The following KIAA1328 variants were observed in gnomAD, a reference collection of about 807,000 sequenced individuals.
KIAA1328 encodes KIAA1328, also known as protein hinderin.
A neutral mutation model predicts 68.1 loss-of-function variants in KIAA1328; 52 were observed. That is an observed-to-expected ratio of 0.76 (90% confidence interval 0.61 to 0.96). The LOEUF (loss-of-function observed/expected upper bound fraction) is 0.96, where lower values mean the gene tolerates loss of function less well. KIAA1328 is among the 40% of genes least tolerant of loss of function. The probability of loss-of-function intolerance (pLI) is 0.00; values close to 1 mark genes in which losing one functional copy is unlikely to be tolerated. For synonymous variants in KIAA1328, 232 were observed against 239.4 expected, an observed-to-expected ratio of 0.97 and a Z score of 0.28; for missense variants, 641 against 677.6, an observed-to-expected ratio of 0.95 and a Z score of 0.60.
At chr18:36,977,174 A>G (rs1255922214) in intron 6 of KIAA1328, among the ~76,000 whole-genome samples, 13 of 152,336 alleles carry the variant, frequency 8.5e-5, no homozygotes, top group Non-Finnish European at 1.3e-4. Flanking sequence ...ACTGATGGGC[A>G]AAAGGAACAA....
At chr18:36,944,236 A>G (rs2050811784) in intron 5 of KIAA1328, among the ~76,000 whole-genome samples, 1 of 152,162 alleles carries the variant, frequency 6.6e-6, no homozygotes, top group Non-Finnish European at 1.5e-5. Context: ...AGAAGTAGAA[A>G]TTTGGGGATC....
At chr18:36,983,532 A>G (rs958434913) in intron 6 of KIAA1328, among the ~76,000 whole-genome samples, 1 of 152,070 alleles carries the variant, frequency 6.6e-6, no homozygotes, top group Non-Finnish European at 1.5e-5. Flanking sequence ...CAAAAATACT[A>G]TCAACCAATT....
intron 7 of KIAA1328, among the ~76,000 whole-genome samples, chr18:37,121,309 A>C (rs368056541): frequency 6.6e-6 from 1 of 152,274 alleles, no homozygotes; most frequent in Admixed American, 6.5e-5. Flanking sequence ...ATTGTCTTCT[A>C]TAAGAAGAAT....
At chr18:37,145,760 A>G (rs550326117) in intron 7 of KIAA1328, among the ~76,000 whole-genome samples, 7 of 152,176 alleles carry the variant, frequency 4.6e-5, no homozygotes, top group Non-Finnish European at 8.8e-5. Context: ...TTGATATTAT[A>G]TAATCATTCC....
chr18:37,115,265 A>G (rs534533864), intron 7 of KIAA1328, among the ~76,000 whole-genome samples: 2 of 152,340 alleles, frequency 1.3e-5, no homozygotes, highest in Admixed American at 6.5e-5. Context: ...AAAATCCTCA[A>G]TAAAATACTG....
chr18:37,105,650 TC>T (rs947773810), intron 7 of KIAA1328, among the ~76,000 whole-genome samples: 45 of 151,982 alleles, frequency 3.0e-4, no homozygotes, highest in African/African-American at 1.1e-3. Context: ...TAAAGGCTGT[TC>T]ACAGTGGCTC....
chr18:37,013,945 A>G (rs2054063108), intron 6 of KIAA1328, among the ~76,000 whole-genome samples: 1 of 152,254 alleles, frequency 6.6e-6, no homozygotes, highest in Admixed American at 6.5e-5. Context: ...TGGCTGAGCT[A>G]ATTTACATTC....
intron 7 of KIAA1328, chr18:37,084,407 ATCAT>A (rs915645357): frequency 5.4e-6 from 2 of 369,060 alleles, no homozygotes; most frequent in African/African-American, 4.2e-5. Context: ...CAAAATAAAA[ATCAT>A]TCATAATCCT....
chr18:37,131,070 G>A (rs2058510662), intron 7 of KIAA1328, among the ~76,000 whole-genome samples: 1 of 152,140 alleles, frequency 6.6e-6, no homozygotes, highest in Admixed American at 6.6e-5. Context: ...GGTAGGGCCT[G>A]GGAATGTGTA....
At chr18:36,947,749 G>A (rs189631630) in intron 5 of KIAA1328, among the ~76,000 whole-genome samples, 1 of 152,282 alleles carries the variant, frequency 6.6e-6, no homozygotes, top group East Asian at 1.9e-4. Flanking sequence ...TCAACATAAT[G>A]TAGATTTTCC....
chr18:37,162,349 G>A (rs2059299369), intron 8 of KIAA1328, among the ~76,000 whole-genome samples: 1 of 151,160 alleles, frequency 6.6e-6, no homozygotes, highest in Non-Finnish European at 1.5e-5. Flanking sequence ...AGGAACTACT[G>A]ACTTTCTTTT....
chr18:36,959,281 T>C (rs755957773), intron 5 of KIAA1328, 27 bp from the exon 6 acceptor site: 4 of 1,541,298 alleles, frequency 2.6e-6, no homozygotes, highest in Non-Finnish European at 2.6e-6. Context: ...AATTTTTCAG[T>C]TTTTTTCCCT....
At chr18:37,134,084 G>A (rs1022712832) in intron 7 of KIAA1328, among the ~76,000 whole-genome samples, 4 of 151,704 alleles carry the variant, frequency 2.6e-5, no homozygotes, top group Admixed American at 2.0e-4. Context: ...CATGATCTCG[G>A]CTCTCTGCAA....
intron 7 of KIAA1328, among the ~76,000 whole-genome samples, chr18:37,141,873 G>C (rs1052787818): frequency 6.6e-6 from 1 of 152,188 alleles, no homozygotes; most frequent in Non-Finnish European, 1.5e-5. Context: ...TGAAATATTT[G>C]TTCAAATCTT....
chr18:37,062,224 T>A (rs1568353523), intron 6 of KIAA1328, among the ~76,000 whole-genome samples: 1 of 152,156 alleles, frequency 6.6e-6, no homozygotes. Context: ...TCATTCACTT[T>A]AGAAGAAGTT....
At chr18:37,086,553 T>A (rs2057109700) in intron 7 of KIAA1328, among the ~76,000 whole-genome samples, 1 of 152,208 alleles carries the variant, frequency 6.6e-6, no homozygotes, top group African/African-American at 2.4e-5. Flanking sequence ...TCTTTTTGGT[T>A]TATACCCTTT....
chr18:37,188,975 T>C (rs758736118), intron 9 of KIAA1328, among the ~76,000 whole-genome samples: 1 of 152,182 alleles, frequency 6.6e-6, no homozygotes, highest in Non-Finnish European at 1.5e-5. Context: ...CATTTCAGAT[T>C]GAAAGAAAGT....
At chr18:36,940,750 A>G (rs1042614735) in intron 5 of KIAA1328, among the ~76,000 whole-genome samples, 1 of 144,256 alleles carries the variant, frequency 6.9e-6, no homozygotes, top group Non-Finnish European at 1.5e-5. Flanking sequence ...AACTCGGCTC[A>G]CTGCAACCTC....
At chr18:37,117,720 C>T (rs997419781) in intron 7 of KIAA1328, among the ~76,000 whole-genome samples, 2 of 151,994 alleles carry the variant, frequency 1.3e-5, no homozygotes, top group African/African-American at 2.4e-5. Context: ...ACATGCTAAC[C>T]CTTTCCCCAG....
Sources: gnomAD v4.1 joint callset for allele counts (sites outside exome capture counted in the v4.1 genomes callset) on GRCh38, gnomAD v4.1.1 for gene constraint, MANE v1.5 for transcripts, NCBI Gene and HGNC (gene_info 2026-07-23, HGNC 2026-07-21) for gene names.